Variants in SH3RF3 observed in about 807,000 individuals in gnomAD.
SH3RF3 encodes the protein E3 ubiquitin-protein ligase SH3RF3.
In SH3RF3, 29 loss-of-function variants were observed where a neutral mutation model predicts 66.3. The observed-to-expected ratio is 0.44, with a 90% CI of 0.33 to 0.60. The LOEUF (loss-of-function observed/expected upper bound fraction) is 0.60, where lower values mean the gene tolerates loss of function less well. Ranked by LOEUF, SH3RF3 falls within the 20% of genes least tolerant of loss-of-function variation. The pLI is 0.04. For missense variants in SH3RF3, 1,194 were observed against 1,190.9 expected (o/e 1.00, Z -0.04); for synonymous variants, 583 against 532.0 (o/e 1.10, Z -1.32).
intron 8 of SH3RF3, among the ~76,000 whole-genome samples, chr2:109,462,399 C>G (rs140974171): frequency 1.3e-5 from 2 of 152,040 alleles, no homozygotes; most frequent in African/African-American, 4.8e-5. Context: ...GCTTAAACAA[C>G]GAAACCATAC....
chr2:109,477,121 A>T (rs1465638278), intron 8 of SH3RF3, among the ~76,000 whole-genome samples: 1 of 152,150 alleles, frequency 6.6e-6, no homozygotes, highest in East Asian at 1.9e-4. Context: ...CCTACTCAAG[A>T]TGGAGTTGCT....
chr2:109,391,901 G>A (rs975494874), intron 3 of SH3RF3, among the ~76,000 whole-genome samples: 2 of 151,896 alleles, frequency 1.3e-5, no homozygotes, highest in Non-Finnish European at 1.5e-5. Context: ...GTGCAGTGGC[G>A]TGACCTCTCA....
intron 1 of SH3RF3, among the ~76,000 whole-genome samples, chr2:109,134,529 C>T (rs1286846171): frequency 1.3e-5 from 2 of 152,162 alleles, no homozygotes; most frequent in African/African-American, 4.8e-5. Flanking sequence ...GTGAATGAAG[C>T]CTCTGCTGAG....
intron 3 of SH3RF3, among the ~76,000 whole-genome samples, chr2:109,387,123 C>T (rs139174326): frequency 3.3e-5 from 5 of 152,252 alleles, no homozygotes; most frequent in African/African-American, 9.6e-5. Flanking sequence ...GCATATTGTT[C>T]TGTTTCTTTT....
chr2:109,140,144 C>T (rs1007485292), intron 1 of SH3RF3, among the ~76,000 whole-genome samples: 2 of 152,162 alleles, frequency 1.3e-5, no homozygotes, highest in Admixed American at 1.3e-4. Context: ...CCTGCACCAT[C>T]ACTGTCACTT....
At chr2:109,365,070 A>ACAAG (rs1252446280) in intron 2 of SH3RF3, among the ~76,000 whole-genome samples, 1 of 152,130 alleles carries the variant, frequency 6.6e-6, no homozygotes, top group African/African-American at 2.4e-5. Context: ...AAACAAACAA[A>ACAAG]CAAACAAAAC....
chr2:109,396,780 A>G (rs1676160147), intron 3 of SH3RF3, among the ~76,000 whole-genome samples: 1 of 152,204 alleles, frequency 6.6e-6, no homozygotes, highest in African/African-American at 2.4e-5. Context: ...TCCTTAGCCT[A>G]TGCCAAGCTT....
At chr2:109,385,163 C>G (rs1460598956) in intron 3 of SH3RF3, among the ~76,000 whole-genome samples, 2 of 152,246 alleles carry the variant, frequency 1.3e-5, no homozygotes, top group East Asian at 1.9e-4. Flanking sequence ...CTCTGGCTCT[C>G]TCTGTCACTC....
At position 109,501,534 on chromosome 2, in the gene SH3RF3, A is replaced by G; in HGVS notation, c.2512A>G (p.Ser838Gly). The G allele has an allele frequency of 2.6e-6, 2 of 779,348 alleles. No individual in the cohort carries two copies. Among genetic ancestry groups the G allele is most frequent in the Non-Finnish European group, 4.8e-6 (2 of 417,422 alleles). The allele number at this position is 779,348 out of a possible 1,614,324, so 48.3% of individuals were successfully genotyped here. The change falls in exon 10 of 10, where the codon AGT (serine) becomes GGT (glycine). Residue 838 changes from serine (S) to glycine (G), a missense_variant. Physicochemically the swap from Ser to Gly is moderately conservative, Grantham distance 56 (BLOSUM62 0). Coordinates refer to ENST00000309415, the MANE Select transcript of SH3RF3 (RefSeq NM_001099289.3). Reference protein sequence around the residue: ...YRVVVSYPPQSEAEIELKEGD... With the variant: ...YRVVVSYPPQGEAEIELKEGD... ...CGTGGTGGTCTCGTACCCACCCCAG[A>G]GTGAGGCGGAGATCGAGCTGAAGGA...
At chr2:109,170,073 C>T (rs992913323) in intron 1 of SH3RF3, among the ~76,000 whole-genome samples, 1 of 152,154 alleles carries the variant, frequency 6.6e-6, no homozygotes, top group Non-Finnish European at 1.5e-5. Context: ...TTGGCCAAAA[C>T]ACTTTGCCAG....
At chr2:109,181,076 C>T (rs556042114) in intron 1 of SH3RF3, among the ~76,000 whole-genome samples, 1 of 152,204 alleles carries the variant, frequency 6.6e-6, no homozygotes, top group Admixed American at 6.5e-5. Flanking sequence ...CTCACAGACC[C>T]TCCGTCAGCA....
chr2:109,296,098 C>T (rs1681299571), intron 1 of SH3RF3, among the ~76,000 whole-genome samples: 1 of 152,162 alleles, frequency 6.6e-6, no homozygotes, highest in African/African-American at 2.4e-5. Flanking sequence ...CCCCAGAAGG[C>T]TGCTGGGTCC....
intron 5 of SH3RF3, among the ~76,000 whole-genome samples, chr2:109,426,270 A>G (rs570618385): frequency 6.6e-6 from 1 of 152,254 alleles, no homozygotes; most frequent in Non-Finnish European, 1.5e-5. Context: ...GGATCTGGGC[A>G]AAGTAAATTG....
intron 1 of SH3RF3, among the ~76,000 whole-genome samples, chr2:109,340,118 C>T (rs928526386): frequency 2.6e-5 from 4 of 152,128 alleles, no homozygotes; most frequent in Non-Finnish European, 4.4e-5. Context: ...TAAATAATGG[C>T]TGAGTTACTT....
chr2:109,157,376 C>G (rs1007916696), intron 1 of SH3RF3, among the ~76,000 whole-genome samples: 4 of 152,194 alleles, frequency 2.6e-5, no homozygotes, highest in South Asian at 2.1e-4. Flanking sequence ...TAGACTCCCA[C>G]GTGCCATCCA....
At chr2:109,282,059 A>T (rs899427980) in intron 1 of SH3RF3, among the ~76,000 whole-genome samples, 1 of 152,000 alleles carries the variant, frequency 6.6e-6, no homozygotes, top group Non-Finnish European at 1.5e-5. Flanking sequence ...TGCTGGTGGG[A>T]TATGAGTGGG....
intron 1 of SH3RF3, among the ~76,000 whole-genome samples, chr2:109,305,108 T>C (rs1484427479): frequency 6.6e-6 from 1 of 152,198 alleles, no homozygotes; most frequent in Non-Finnish European, 1.5e-5. Flanking sequence ...CTAAGAGACT[T>C]CTGATTATTC....
At position 109,486,209 on chromosome 2, in the gene SH3RF3, T is replaced by A. The variant is rs146333543; in HGVS notation, c.2149-4396T>A. Among the ~76,000 whole-genome samples, 23 of 152,372 alleles carry A rather than the reference T, an allele frequency of 1.5e-4. No homozygotes were observed. In the East Asian group the frequency reaches 4.2e-3, roughly 28 times the overall value. ...GAGTTGCATGACGACCATTGGCTTC[T>A]GATTGATCACTTCCTATGTTCTGTA... On this transcript the variant is annotated intron_variant, in intron 8 of 9. Coordinates refer to ENST00000309415, the MANE Select transcript of SH3RF3 (RefSeq NM_001099289.3).
intron 1 of SH3RF3, among the ~76,000 whole-genome samples, chr2:109,154,830 C>T (rs565066224): frequency 2.0e-5 from 3 of 152,290 alleles, no homozygotes; most frequent in Admixed American, 2.0e-4. Context: ...TTCTGAAGCC[C>T]CACTTTCTGC....
Sources: gnomAD v4.1 joint callset for allele counts (sites outside exome capture counted in the v4.1 genomes callset) on GRCh38, gnomAD v4.1.1 for gene constraint, MANE v1.5 for transcripts, NCBI Gene and HGNC (gene_info 2026-07-23, HGNC 2026-07-21) for gene names.